Variants in SLC2A13 observed in about 807,000 individuals in gnomAD.
SLC2A13 encodes solute carrier family 2 member 13, also known as proton myo-inositol cotransporter.
SLC2A13 carries 32 observed loss-of-function variants against 64.4 expected under a neutral mutation model. The observed-to-expected ratio is 0.50, with a 90% CI of 0.37 to 0.67. SLC2A13 has a LOEUF of 0.67. Ranked by LOEUF, SLC2A13 falls within the 30% of genes least tolerant of loss-of-function variation. The pLI, the probability that SLC2A13 is intolerant of heterozygous loss-of-function variation, is 0.00. For missense variants in SLC2A13, 743 were observed against 829.2 expected, an observed-to-expected ratio of 0.90 and a Z score of 1.28; for synonymous variants, 338 against 327.1, an observed-to-expected ratio of 1.03 and a Z score of -0.36.
At chr12:40,031,642 A>C (rs1029477204) in intron 2 of SLC2A13, among the ~76,000 whole-genome samples, 3 of 152,234 alleles carry the variant, frequency 2.0e-5, no homozygotes, top group Non-Finnish European at 4.4e-5. Context: ...CACCTCCCTG[A>C]ACTCCTAACC....
At chr12:40,033,759 G>C (rs1180393718) in intron 2 of SLC2A13, among the ~76,000 whole-genome samples, 2 of 152,016 alleles carry the variant, frequency 1.3e-5, no homozygotes, top group Non-Finnish European at 2.9e-5. Context: ...CAAGAAGGTA[G>C]GTATTTTTAA....
chr12:39,918,647 A>G (rs1490830285), intron 4 of SLC2A13, among the ~76,000 whole-genome samples: 1 of 152,100 alleles, frequency 6.6e-6, no homozygotes, highest in African/African-American at 2.4e-5. Context: ...CACTTGTGTA[A>G]AAGAAATATT....
At chr12:39,887,656 C>T (rs1359757627) in intron 4 of SLC2A13, among the ~76,000 whole-genome samples, 9 of 152,138 alleles carry the variant, frequency 5.9e-5, no homozygotes, top group South Asian at 2.1e-4. Flanking sequence ...CAGTGACCAT[C>T]GCTTAGGTTA....
intron 1 of SLC2A13, among the ~76,000 whole-genome samples, chr12:40,084,694 T>C (rs1283863080): frequency 6.6e-6 from 1 of 152,098 alleles, no homozygotes; most frequent in African/African-American, 2.4e-5. Flanking sequence ...ATTTTGTAAA[T>C]GTATGAGACT....
chr12:39,963,231 G>A lies in SLC2A13; in HGVS notation c.926-11866C>T, dbSNP rs544505647. Among the ~76,000 whole-genome samples the A allele has an allele frequency of 3.4e-5, 5 of 148,060 alleles. No homozygotes were observed. The South Asian group carries it at 1.1e-3, about 32-fold the overall frequency. ...GAATCCAGGAGGTGGAGCTTGCAGTGAGCCGAGATCACGGCACTGCACTCC... is the reference window on the plus strand; with the variant it reads ...GAATCCAGGAGGTGGAGCTTGCAGTAAGCCGAGATCACGGCACTGCACTCC... On this transcript the variant is annotated intron_variant, in intron 3 of 9. Transcript: ENST00000280871.
At chr12:39,860,434 A>T (rs1943728533) in intron 6 of SLC2A13, among the ~76,000 whole-genome samples, 1 of 152,188 alleles carries the variant, frequency 6.6e-6, no homozygotes, top group Non-Finnish European at 1.5e-5. Flanking sequence ...TGTGAACAAG[A>T]TGTTGCCCAT....
intron 7 of SLC2A13, among the ~76,000 whole-genome samples, chr12:39,792,288 G>A (rs917523305): frequency 6.7e-6 from 1 of 148,216 alleles, no homozygotes; most frequent in African/African-American, 2.5e-5. Context: ...GAAAACCTAG[G>A]CATTACCATT....
rs542308797 is a variant in SLC2A13 at position 39,954,905 on chromosome 12, A to G, written c.926-3540T>C. 3.7e-4 allele frequency among the ~76,000 whole-genome samples: 57 copies of G among 152,314 alleles called. 1 individual carries two copies. The South Asian group carries it at 0.012, about 31-fold the overall frequency. ...ACAGAAAAGGGAAATTGAAAAACCT[A>G]CAATTGTACTCTCATATTTCATCAC... is the stretch of plus-strand genomic sequence containing the variant. On this transcript the variant is annotated intron_variant, in intron 3 of 9. Coordinates refer to ENST00000280871, the MANE Select transcript of SLC2A13 (RefSeq NM_052885.4).
intron 4 of SLC2A13, among the ~76,000 whole-genome samples, chr12:39,877,973 A>AGG (rs1944234141): frequency 6.6e-6 from 1 of 152,100 alleles, no homozygotes; most frequent in Non-Finnish European, 1.5e-5. Context: ...TAAAAGTGTG[A>AGG]GGTACCTCCC....
At chr12:39,844,410 C>T (rs1250513397) in intron 6 of SLC2A13, among the ~76,000 whole-genome samples, 1 of 151,986 alleles carries the variant, frequency 6.6e-6, no homozygotes, top group African/African-American at 2.4e-5. Flanking sequence ...CGATAAAGTT[C>T]TTATACTAAG....
intron 1 of SLC2A13, among the ~76,000 whole-genome samples, chr12:40,053,000 G>C (rs1948283447): frequency 6.6e-6 from 1 of 152,048 alleles, no homozygotes; most frequent in African/African-American, 2.4e-5. Flanking sequence ...CATCCTATCA[G>C]GCTGGGCGCA....
intron 2 of SLC2A13, among the ~76,000 whole-genome samples, chr12:40,034,148 T>A (rs1233937164): frequency 1.3e-5 from 2 of 152,338 alleles, no homozygotes; most frequent in African/African-American, 4.8e-5. Flanking sequence ...TTGTATTTTT[T>A]AAAAACATGC....
At chr12:39,947,029 TTTCTGC>T (rs1393355292) in intron 4 of SLC2A13, among the ~76,000 whole-genome samples, 1 of 152,178 alleles carries the variant, frequency 6.6e-6, no homozygotes, top group Non-Finnish European at 1.5e-5. Flanking sequence ...TCCCAGGGCC[TTTCTGC>T]TGCTTCCTCT....
chr12:40,022,093 C>T (rs1462845437), intron 3 of SLC2A13, among the ~76,000 whole-genome samples: 2 of 152,098 alleles, frequency 1.3e-5, no homozygotes, highest in African/African-American at 4.8e-5. Flanking sequence ...ACATGACCCC[C>T]AAGGAACTGG....
chr12:40,062,921 G>A (rs539978408), intron 1 of SLC2A13, among the ~76,000 whole-genome samples: 5 of 152,096 alleles, frequency 3.3e-5, no homozygotes, highest in Admixed American at 1.3e-4. Flanking sequence ...GACCAAAAAA[G>A]TTAATAGCAA....
At chr12:40,104,282 C>T (rs886492315) in intron 1 of SLC2A13, among the ~76,000 whole-genome samples, 4 of 152,304 alleles carry the variant, frequency 2.6e-5, no homozygotes, top group Non-Finnish European at 5.9e-5. Flanking sequence ...TAAGTCACAG[C>T]CCCCCACTTT....
intron 1 of SLC2A13, among the ~76,000 whole-genome samples, chr12:40,069,411 A>T (rs1003263416): frequency 1.1e-4 from 16 of 152,114 alleles, no homozygotes; most frequent in Admixed American, 2.6e-4. Context: ...ATAAAAAAAA[A>T]TTGGGTGAAA....
chr12:40,105,215 A>T lies in SLC2A13; in HGVS notation c.556+38T>A, dbSNP rs903973637. 1.1e-5 allele frequency: 17 copies of T among 1,517,202 alleles called. No homozygotes were observed. Among genetic ancestry groups the T allele is most frequent in the Non-Finnish European group, 1.5e-5 (17 of 1,136,062 alleles). The allele number at this position is 1,517,202 out of a possible 1,614,324, so 94.0% of individuals were successfully genotyped here. ...ACACCCAGGGTCAAGGGCGGTGACAATGGGATCCCGGGCGCCCTTCACGGA... is the reference window on the plus strand; with the variant it reads ...ACACCCAGGGTCAAGGGCGGTGACATTGGGATCCCGGGCGCCCTTCACGGA... On this transcript the variant is annotated intron_variant, in intron 1 of 9. Transcript: ENST00000280871. The surrounding 1 kb of genome is among the most constrained non-coding windows in gnomAD (Gnocchi z 4.2).
intron 2 of SLC2A13, among the ~76,000 whole-genome samples, chr12:40,047,261 C>T (rs185912597): frequency 6.6e-6 from 1 of 152,256 alleles, no homozygotes; most frequent in Admixed American, 6.5e-5. Context: ...GCCATGCAAA[C>T]AAGGGTTTGA....
Sources: gnomAD v4.1 joint callset for allele counts (sites outside exome capture counted in the v4.1 genomes callset) on GRCh38, gnomAD v4.1.1 for gene constraint, Gnocchi (gnomAD v3.1) non-coding constraint, MANE v1.5 for transcripts, NCBI Gene and HGNC (gene_info 2026-07-23, HGNC 2026-07-21) for gene names.